GRM5: variants seen among roughly 807,000 people sequenced by gnomAD.
GRM5 encodes the protein metabotropic glutamate receptor 5.
A neutral mutation model predicts 83.1 loss-of-function variants in GRM5; 19 were observed. The ratio of observed to expected loss-of-function variants is 0.23; its 90% CI spans 0.16 to 0.34. GRM5 has a LOEUF of 0.34. Ranked by LOEUF, GRM5 falls within the 10% of genes least tolerant of loss-of-function variation. The pLI, the probability that GRM5 is intolerant of heterozygous loss-of-function variation, is 1.00. For missense variants in GRM5, 1,160 were observed against 1,588.3 expected (o/e 0.73, Z 4.58); for synonymous variants, 675 against 633.6 (o/e 1.07, Z -0.98).
At chr11:88,561,199 C>T (rs544715151) in intron 8 of GRM5, among the ~76,000 whole-genome samples, 1 of 152,270 alleles carries the variant, frequency 6.6e-6, no homozygotes, top group East Asian at 1.9e-4. Flanking sequence ...GTTTTCTAGG[C>T]ATATTGTAAT....
intron 3 of GRM5, among the ~76,000 whole-genome samples, chr11:88,696,808 G>A (rs1345903984): frequency 3.9e-5 from 6 of 152,110 alleles, no homozygotes. Flanking sequence ...CATGTAATTT[G>A]GTGTTATTAC....
chr11:88,980,545 G>A (rs533912631), intron 2 of GRM5, among the ~76,000 whole-genome samples: 21 of 152,160 alleles, frequency 1.4e-4, no homozygotes, highest in Middle Eastern at 3.4e-3. Context: ...TAACCTGGCC[G>A]GGTGCGGTGG....
chr11:88,943,712 C>G lies in GRM5; in HGVS notation c.662-93557G>C, dbSNP rs570721981. Among the ~76,000 whole-genome samples the G allele has an allele frequency of 4.6e-5, 7 of 152,018 alleles. No individual in the cohort carries two copies. In the South Asian group the frequency reaches 1.5e-3, roughly 31 times the overall value. ...AAATAGCAAAAGAACAGGAGTTGAT[C>G]TTAATAACATTGAATTTGCTTTTAC... On this transcript the variant is annotated intron_variant, in intron 2 of 9. Coordinates refer to ENST00000305447, the MANE Select transcript of GRM5 (RefSeq NM_001143831.3).
At chr11:88,928,902 G>GTATATATATATA (rs149267365) in intron 2 of GRM5, among the ~76,000 whole-genome samples, 9,088 of 60,086 alleles carry the variant, frequency 0.15, 396 homozygotes, top group Non-Finnish European at 0.21. Flanking sequence ...ATGTGTATGT[G>GTATATATATATA]TATATACACA....
chr11:88,809,939 T>G (rs927629776), intron 3 of GRM5, among the ~76,000 whole-genome samples: 4 of 152,080 alleles, frequency 2.6e-5, no homozygotes, highest in African/African-American at 7.2e-5. Flanking sequence ...TTCTTAAACC[T>G]GATATTTGAA....
At chr11:88,971,803 C>T (rs545715875) in intron 2 of GRM5, among the ~76,000 whole-genome samples, 1 of 152,160 alleles carries the variant, frequency 6.6e-6, no homozygotes, top group South Asian at 2.1e-4. Context: ...ATGAGGAGCA[C>T]ATATAGTGTC....
intron 2 of GRM5, among the ~76,000 whole-genome samples, chr11:88,892,478 GGA>G (rs1945162337): frequency 6.6e-6 from 1 of 151,924 alleles, no homozygotes; most frequent in South Asian, 2.1e-4. Context: ...GATTCCTTAT[GGA>G]ACAGAGTTCC....
At chr11:88,566,121 A>C (rs2135169510) in intron 8 of GRM5, among the ~76,000 whole-genome samples, 1 of 152,334 alleles carries the variant, frequency 6.6e-6, no homozygotes, top group African/African-American at 2.4e-5. Flanking sequence ...ATTTCAGAAG[A>C]GTTAGCAGGG....
At chr11:88,857,292 T>C (rs770429148) in intron 2 of GRM5, among the ~76,000 whole-genome samples, 8 of 152,116 alleles carry the variant, frequency 5.3e-5, no homozygotes, top group Non-Finnish European at 1.0e-4. Context: ...TGTCACCATA[T>C]TGCTTGAATA....
rs115717876 is a variant in GRM5 at position 88,513,793 on chromosome 11, G to A, written c.2727-4289C>T. Among the ~76,000 whole-genome samples, 1,396 of 152,296 alleles carry A rather than the reference G, an allele frequency of 9.2e-3. 16 individuals are homozygous for A. The highest frequency in any genetic ancestry group is 0.024 in the African/African-American group (1,016 of 41,574). ...ACCTCCCTTGCCCACCTTGCATGAT[G>A]TCTGGGAAAAAACAAAAGGATAATA... is the stretch of plus-strand genomic sequence containing the variant. On this transcript the variant is annotated intron_variant, in intron 9 of 9. Transcript: ENST00000305447.
chr11:88,532,342 G>A (rs1591328230), intron 8 of GRM5, among the ~76,000 whole-genome samples: 1 of 152,208 alleles, frequency 6.6e-6, no homozygotes, highest in Admixed American at 6.5e-5. Flanking sequence ...AACAATATGG[G>A]AGGAAAAGAG....
At chr11:88,991,922 C>A (rs1166321651) in intron 2 of GRM5, among the ~76,000 whole-genome samples, 3 of 152,064 alleles carry the variant, frequency 2.0e-5, no homozygotes, top group South Asian at 2.1e-4. Flanking sequence ...AGAAGAAAAC[C>A]CAGGCAGTAC....
At chr11:88,943,955 T>C (rs1938193714) in intron 2 of GRM5, among the ~76,000 whole-genome samples, 1 of 152,018 alleles carries the variant, frequency 6.6e-6, no homozygotes, top group South Asian at 2.1e-4. Flanking sequence ...ATGTCTAGCC[T>C]TACCTCGAGA....
At chr11:88,611,890 T>G (rs1336157245) in intron 4 of GRM5, among the ~76,000 whole-genome samples, 1 of 150,026 alleles carries the variant, frequency 6.7e-6, no homozygotes, top group Non-Finnish European at 1.5e-5. Flanking sequence ...AATACTGCTT[T>G]AGCTATGTCC....
At chr11:88,635,314 T>C (rs1692282416) in intron 4 of GRM5, among the ~76,000 whole-genome samples, 1 of 152,216 alleles carries the variant, frequency 6.6e-6, no homozygotes, top group African/African-American at 2.4e-5. Context: ...CCCTTTTCTC[T>C]ACACCCTTGC....
chr11:88,538,002 A>G (rs1238346158), intron 8 of GRM5, among the ~76,000 whole-genome samples: 1 of 152,044 alleles, frequency 6.6e-6, no homozygotes, highest in African/African-American at 2.4e-5. Context: ...AGCTGTATTG[A>G]CTTAGTAATT....
At chr11:88,765,238 G>T (rs1018743400) in intron 3 of GRM5, among the ~76,000 whole-genome samples, 5 of 151,042 alleles carry the variant, frequency 3.3e-5, no homozygotes, top group African/African-American at 1.2e-4. Flanking sequence ...AAAACCCTGG[G>T]AATCAAAAAA....
At chr11:88,622,094 T>TTA (rs1336336642) in intron 4 of GRM5, among the ~76,000 whole-genome samples, 1 of 5,798 alleles carries the variant, frequency 1.7e-4, no homozygotes, top group African/African-American at 3.8e-4. Context: ...CACAACACTA[T>TTA]TTTCAACCAT....
chr11:88,720,813 T>C lies in GRM5; in HGVS notation c.912-67410A>G, dbSNP rs981145213. On this transcript the variant is annotated intron_variant, in intron 3 of 9. Coordinates refer to ENST00000305447, the MANE Select transcript of GRM5 (RefSeq NM_001143831.3). Reference sequence around the variant, plus strand: ...TCATTACTCTGTGTGTGTGTGTGTGTGTGTGTGCGTGTGTGTGTGTGTGTG... The same window carrying C: ...TCATTACTCTGTGTGTGTGTGTGTGCGTGTGTGCGTGTGTGTGTGTGTGTG... Among the ~76,000 whole-genome samples the C allele has an allele frequency of 2.6e-3, 359 of 135,604 alleles. 2 individuals are homozygous for C. The highest frequency in any genetic ancestry group is 0.01 in the African/African-American group (346 of 33,768). The allele number at this position is 135,604 out of a possible 152,430, so 89.0% of individuals were successfully genotyped here.
Sources: allele counts gnomAD v4.1 joint callset (sites outside exome capture counted in the v4.1 genomes callset), GRCh38; gene constraint gnomAD v4.1.1; transcripts MANE v1.5; gene names NCBI Gene and HGNC (gene_info 2026-07-23, HGNC 2026-07-21).